The following ZNF273 variants were observed in gnomAD, a reference collection of about 807,000 sequenced individuals.
ZNF273 encodes zinc finger protein 9.
In ZNF273, 11 loss-of-function variants were observed where a neutral mutation model predicts 14.9. That is an observed-to-expected ratio of 0.74 (90% CI 0.46 to 1.22). ZNF273 has a LOEUF of 1.22. Among genes scored for constraint, ZNF273 ranks in the 50% most tolerant of loss-of-function variants. The probability of loss-of-function intolerance (pLI) is 0.00; values close to 1 mark genes in which losing one functional copy is unlikely to be tolerated. For synonymous variants in ZNF273, 199 were observed against 223.9 expected (o/e 0.89, Z 0.99); for missense variants, 577 against 660.6 (o/e 0.87, Z 1.39).
At chr7:64,912,785 A>G (rs1156670225) in intron 1 of ZNF273, among the ~76,000 whole-genome samples, 1 of 128,826 alleles carries the variant, frequency 7.8e-6, no homozygotes, top group Non-Finnish European at 1.7e-5. Flanking sequence ...GAACAGCTAA[A>G]TAAACCCTTT....
intron 1 of ZNF273, among the ~76,000 whole-genome samples, chr7:64,885,226 G>A (rs767396189): frequency 3.2e-4 from 49 of 152,320 alleles, no homozygotes; most frequent in Non-Finnish European, 5.7e-4. Flanking sequence ...CTTAGGAATC[G>A]TCAACAGTGC....
chr7:64,923,330 T>C, intron 3 of ZNF273: 1 of 455,490 alleles, frequency 2.2e-6, no homozygotes, highest in Non-Finnish European at 4.4e-6. Flanking sequence ...TTGTTTTGTG[T>C]GTGTGTGTGT....
intron 1 of ZNF273, among the ~76,000 whole-genome samples, chr7:64,885,668 T>C (rs777945988): frequency 6.6e-6 from 1 of 152,098 alleles, no homozygotes; most frequent in Admixed American, 6.5e-5. Context: ...GGAGGCATAA[T>C]AGGGGATCTG....
intron 3 of ZNF273, among the ~76,000 whole-genome samples, chr7:64,924,898 G>A (rs1314188682): frequency 6.6e-6 from 1 of 151,792 alleles, no homozygotes; most frequent in African/African-American, 2.4e-5. Context: ...CGCCTCCCAG[G>A]TTCAAGCGCT....
upstream of ZNF273, among the ~76,000 whole-genome samples, chr7:64,902,675 A>G (rs1166817044): frequency 6.6e-6 from 1 of 152,140 alleles, no homozygotes; most frequent in Non-Finnish European, 1.5e-5. Context: ...GTGCCACTGC[A>G]CTCCAGCCTG....
upstream of ZNF273, among the ~76,000 whole-genome samples, chr7:64,901,110 C>T (rs1792686974): frequency 6.6e-6 from 1 of 151,832 alleles, no homozygotes; most frequent in Non-Finnish European, 1.5e-5. Flanking sequence ...TCAAGCGATT[C>T]TCATACCTTA....
At chr7:64,892,146 C>T (rs1022973288), downstream of ZNF273, among the ~76,000 whole-genome samples, 1 of 152,108 alleles carries the variant, frequency 6.6e-6, no homozygotes, top group Non-Finnish European at 1.5e-5. Context: ...GATATTGCAA[C>T]AAAATTTAAA....
downstream of ZNF273, among the ~76,000 whole-genome samples, chr7:64,880,698 T>G (rs1206749394): frequency 6.6e-6 from 1 of 151,982 alleles, no homozygotes; most frequent in African/African-American, 2.4e-5. Context: ...GCGGGCTAGC[T>G]GAGATGCGAC....
At chr7:64,901,551 A>G (rs1190880100), upstream of ZNF273, among the ~76,000 whole-genome samples, 2 of 152,122 alleles carry the variant, frequency 1.3e-5, no homozygotes, top group Non-Finnish European at 2.9e-5. Flanking sequence ...CTTCTCATTG[A>G]TGTAGTCAGG....
downstream of ZNF273, chr7:64,889,803 T>TA (rs1191461758): frequency 2.9e-5 from 28 of 977,436 alleles, no homozygotes; most frequent in African/African-American, 2.1e-4. This position sits in a 1 kb window ranked among gnomAD's most constrained non-coding sequence, Gnocchi z 4.2. Context: ...GCATTTTATT[T>TA]AAAAAACCTG....
intron 3 of ZNF273, among the ~76,000 whole-genome samples, chr7:64,895,006 G>A (rs535772313): frequency 6.6e-6 from 1 of 152,010 alleles, no homozygotes; most frequent in South Asian, 2.1e-4. Flanking sequence ...GCATGGCAGC[G>A]TGTACCTGTA....
chr7:64,928,686 C>T lies in ZNF273; in HGVS notation c.1358C>T (p.Thr453Ile). ...STLTKHKIIH[T>I]GAKPYKCEEC... is the part of the protein sequence containing the mutation. ...CTTACTAAACATAAGATAATTCATACTGGAGCAAAACCTTACAAATGTGAA... is the reference window on the plus strand; with the variant it reads ...CTTACTAAACATAAGATAATTCATATTGGAGCAAAACCTTACAAATGTGAA... The change falls in exon 4 of 4, where the codon ACT (threonine) becomes ATT (isoleucine). Residue 453 changes from threonine (T) to isoleucine (I), a missense_variant. Physicochemically the swap from Thr to Ile is moderately conservative, Grantham distance 89. This residue lies in a region of ZNF273 where 411 missense variants were observed against 440.4 expected (regional missense o/e 0.93). Coordinates refer to ENST00000476120, the MANE Select transcript of ZNF273 (RefSeq NM_021148.3). 1 of 1,605,924 alleles carries T rather than the reference C, an allele frequency of 6.2e-7. No individual in the cohort carries two copies. The highest frequency in any genetic ancestry group is 8.5e-7 in the Non-Finnish European group (1 of 1,173,642).
intron 3 of ZNF273, among the ~76,000 whole-genome samples, chr7:64,924,905 C>T (rs758948189): frequency 6.6e-6 from 1 of 151,862 alleles, no homozygotes; most frequent in Non-Finnish European, 1.5e-5. Flanking sequence ...CAGGTTCAAG[C>T]GCTTCTCCTG....
downstream of ZNF273, chr7:64,889,388 G>A (rs1296824397): frequency 2.0e-6 from 2 of 977,524 alleles, no homozygotes; most frequent in Non-Finnish European, 2.4e-6. This position sits in a 1 kb window ranked among gnomAD's most constrained non-coding sequence, Gnocchi z 4.2. Flanking sequence ...TGGCAGGGCC[G>A]TGCGGCTCCT....
intron 1 of ZNF273, among the ~76,000 whole-genome samples, chr7:64,878,054 G>A (rs1346166858): frequency 6.6e-6 from 1 of 152,126 alleles, no homozygotes; most frequent in Non-Finnish European, 1.5e-5. Flanking sequence ...CTGTGGGTGC[G>A]TTTAAGCGGC....
chr7:64,881,726 C>T (rs1043839068), downstream of ZNF273, among the ~76,000 whole-genome samples: 2 of 152,122 alleles, frequency 1.3e-5, no homozygotes, highest in Non-Finnish European at 2.9e-5. Flanking sequence ...GGTCATGGGT[C>T]GTGGTCTCTT....
rs901387991 is a variant in ZNF273, at chr7:64,930,130, T to C, written c.*1092T>C. ...ATGCCCGCCTCGGCCTCCCAAAATG[T>C]TGGGATTACAGGCATGAGCCACTGC... is the stretch of plus-strand genomic sequence containing the variant. On this transcript the variant is annotated 3_prime_UTR_variant, in exon 4 of 4. Coordinates refer to ENST00000476120, the MANE Select transcript of ZNF273 (RefSeq NM_021148.3). 1.1e-4 allele frequency: 17 copies of C among 152,356 alleles called. No homozygotes were observed. The highest frequency in any genetic ancestry group is 3.6e-4 in the African/African-American group (15 of 41,578). 9.4% of individuals were successfully genotyped at this position (152,356 alleles called of 1,614,324 possible).
chr7:64,912,825 A>AGTTTTTTTTTT (rs1793620161), intron 1 of ZNF273, among the ~76,000 whole-genome samples: 1 of 16,848 alleles, frequency 5.9e-5, no homozygotes, highest in Non-Finnish European at 3.5e-4. Context: ...GATTCATTTT[A>AGTTTTTTTTTT]GTTTTTTTTT....
chr7:64,924,862 G>A (rs1794702087), intron 3 of ZNF273, among the ~76,000 whole-genome samples: 1 of 151,570 alleles, frequency 6.6e-6, no homozygotes, highest in Non-Finnish European at 1.5e-5. Context: ...TAGTGCAGTG[G>A]CACCATCTCA....
Sources: allele counts gnomAD v4.1 joint callset (sites outside exome capture counted in the v4.1 genomes callset), GRCh38; gene constraint gnomAD v4.1.1; regional missense constraint gnomAD v4.1.1; non-coding constraint Gnocchi (gnomAD v3.1); transcripts MANE v1.5; gene names NCBI Gene and HGNC (gene_info 2026-07-23, HGNC 2026-07-21).